Variants in GHR observed in about 807,000 individuals in gnomAD.
GHR encodes the protein growth hormone receptor.
Under a neutral mutation model 67.1 loss-of-function variants are expected in GHR, and 35 were observed. The ratio of observed to expected loss-of-function variants is 0.52; its 90% CI spans 0.40 to 0.69. GHR has a LOEUF of 0.69. GHR is among the 30% of genes least tolerant of loss of function. The pLI is 0.00. For synonymous variants in GHR, 272 were observed against 269.1 expected (o/e 1.01, Z -0.10); for missense variants, 792 against 764.6 (o/e 1.04, Z -0.42).
chr5:42,668,030 T>A (rs1756081989), intron 3 of GHR, among the ~76,000 whole-genome samples: 1 of 152,190 alleles, frequency 6.6e-6, no homozygotes, highest in African/African-American at 2.4e-5. Flanking sequence ...TGGATTACGA[T>A]CTTCAAGGTA....
rs539985233 is a variant in GHR at position 42,664,553 on chromosome 5, G to A, written c.137-24337G>A. Among the ~76,000 whole-genome samples the A allele has an allele frequency of 3.9e-3, 594 of 152,288 alleles. 2 individuals carry two copies. Among genetic ancestry groups the A allele is most frequent in the African/African-American group, 0.014 (571 of 41,546 alleles). On this transcript the variant is annotated intron_variant, in intron 3 of 9. Coordinates refer to ENST00000230882, the MANE Select transcript of GHR (RefSeq NM_000163.5). Reference sequence around the variant, plus strand: ...ACTGGCTAGCCATATGTAGAAAGCTGAAACTGGATCCCTTCCTTACACCTT... The same window carrying A: ...ACTGGCTAGCCATATGTAGAAAGCTAAAACTGGATCCCTTCCTTACACCTT...
At chr5:42,465,466 C>T in intron 1 of GHR, 1 of 1,582,640 alleles carries the variant, frequency 6.3e-7, no homozygotes, top group East Asian at 2.2e-5. Flanking sequence ...TTGGACCCTC[C>T]TCTTTTACCT....
chr5:42,650,054 T>C lies in GHR; in HGVS notation c.136+20951T>C, dbSNP rs1049939148. Among the ~76,000 whole-genome samples the C allele has an allele frequency of 3.9e-5, 6 of 152,166 alleles. No individual in the cohort carries two copies. The East Asian group carries it at 1.2e-3, about 29-fold the overall frequency. On this transcript the variant is annotated intron_variant, in intron 3 of 9. Transcript: ENST00000230882. ...AGTGAGAATATTGATTGAGCACCTA[T>C]TATTAGAATAAATTTATCTTAAGTG...
intron 1 of GHR, among the ~76,000 whole-genome samples, chr5:42,561,160 C>T (rs1749586437): frequency 6.6e-6 from 1 of 152,194 alleles, no homozygotes; most frequent in Non-Finnish European, 1.5e-5. Flanking sequence ...ACCACAGTTT[C>T]TCTCCCTTTT....
In GHR at chr5:42,628,446, C is replaced by A. The variant is rs1463127702; in HGVS notation, c.71-592C>A. 2.3e-5 allele frequency among the ~76,000 whole-genome samples: 3 copies of A among 131,784 alleles called. 1 individual carries two copies. 86.5% of individuals were successfully genotyped at this position (131,784 alleles called of 152,430 possible). A position where few individuals can be genotyped will look rare whatever the true frequency, so the allele number is the denominator to read the frequency against. On this transcript the variant is annotated intron_variant, in intron 2 of 9. Coordinates refer to ENST00000230882, the MANE Select transcript of GHR (RefSeq NM_000163.5). ...CAAGGCCGTCAGATTCAGTTTGGTT[C>A]TGTATGTTTCAGGGAGGCAGGAATT...
At chr5:42,621,891 G>T (rs1753464308) in intron 2 of GHR, among the ~76,000 whole-genome samples, 1 of 152,138 alleles carries the variant, frequency 6.6e-6, no homozygotes, top group Non-Finnish European at 1.5e-5. Context: ...TCTTGGAAGG[G>T]CTCAGAGATT....
chr5:42,445,090 T>G (rs1743749422), intron 1 of GHR, among the ~76,000 whole-genome samples: 1 of 152,192 alleles, frequency 6.6e-6, no homozygotes, highest in East Asian at 1.9e-4. Context: ...AAAGCCTCAT[T>G]GTCATTTTTA....
chr5:42,464,770 T>C (rs974119555), intron 1 of GHR, among the ~76,000 whole-genome samples: 1 of 152,196 alleles, frequency 6.6e-6, no homozygotes, highest in Non-Finnish European at 1.5e-5. Context: ...TGGCTGTGTG[T>C]GCACACACAC....
chr5:42,494,597 T>C (rs1746245019), intron 1 of GHR, among the ~76,000 whole-genome samples: 1 of 152,082 alleles, frequency 6.6e-6, no homozygotes, highest in Non-Finnish European at 1.5e-5. Context: ...TTCTGGGAAT[T>C]TGCTATGAGT....
At chr5:42,657,234 A>G (rs1037138296) in intron 3 of GHR, among the ~76,000 whole-genome samples, 3 of 152,160 alleles carry the variant, frequency 2.0e-5, no homozygotes, top group African/African-American at 7.2e-5. Context: ...TAGTGTGACC[A>G]TGGGCAATTT....
chr5:42,442,648 T>C (rs2111961646), intron 1 of GHR, among the ~76,000 whole-genome samples: 1 of 152,272 alleles, frequency 6.6e-6, no homozygotes, highest in African/African-American at 2.4e-5. Flanking sequence ...GCACCCCAGA[T>C]CAATTAAATC....
intron 1 of GHR, among the ~76,000 whole-genome samples, chr5:42,504,511 A>G (rs1746673173): frequency 6.6e-6 from 1 of 152,208 alleles, no homozygotes; most frequent in Non-Finnish European, 1.5e-5. Flanking sequence ...CTGTAATCCC[A>G]GCACTTTGGG....
intron 1 of GHR, among the ~76,000 whole-genome samples, chr5:42,535,511 CT>C (rs796310534): frequency 2.8e-4 from 43 of 152,194 alleles, no homozygotes; most frequent in African/African-American, 1.0e-3. Flanking sequence ...TTCCATTGGT[CT>C]ATGTGCCTAT....
chr5:42,526,050 G>C (rs1420310895), intron 1 of GHR, among the ~76,000 whole-genome samples: 1 of 152,158 alleles, frequency 6.6e-6, no homozygotes, highest in Admixed American at 6.6e-5. Flanking sequence ...ATTAAGCTTA[G>C]TGAGGAAGGC....
chr5:42,656,520 A>T (rs934059595), intron 3 of GHR, among the ~76,000 whole-genome samples: 1 of 152,034 alleles, frequency 6.6e-6, no homozygotes, highest in Admixed American at 6.5e-5. Context: ...ACTCCTGTCC[A>T]TCCCCCATTC....
intron 3 of GHR, among the ~76,000 whole-genome samples, chr5:42,664,342 A>T (rs973478868): frequency 5.7e-4 from 86 of 152,142 alleles, no homozygotes; most frequent in African/African-American, 2.0e-3. Context: ...GACTTCAAAC[A>T]ATACTACAAG....
intron 4 of GHR, among the ~76,000 whole-genome samples, chr5:42,690,639 T>TTA (rs1369624926): frequency 6.6e-6 from 1 of 152,160 alleles, no homozygotes; most frequent in African/African-American, 2.4e-5. Flanking sequence ...GCTGCTTAAT[T>TTA]TGCAGATAAA....
intron 5 of GHR, among the ~76,000 whole-genome samples, chr5:42,697,664 T>A (rs1411269032): frequency 6.6e-6 from 1 of 152,070 alleles, no homozygotes; most frequent in Non-Finnish European, 1.5e-5. Flanking sequence ...TGAGACCAAA[T>A]CGCACAGACA....
intron 1 of GHR, among the ~76,000 whole-genome samples, chr5:42,493,757 C>T (rs560875800): frequency 8.5e-5 from 13 of 152,196 alleles, no homozygotes; most frequent in African/African-American, 2.2e-4. Flanking sequence ...TATTTGATTC[C>T]GCTCTTATTT....
Sources: gnomAD v4.1 joint callset for allele counts (sites outside exome capture counted in the v4.1 genomes callset) on GRCh38, gnomAD v4.1.1 for gene constraint, MANE v1.5 for transcripts, NCBI Gene and HGNC (gene_info 2026-07-23, HGNC 2026-07-21) for gene names.